Variants in LYPD1 observed in about 807,000 individuals in gnomAD.
The protein encoded by LYPD1 is ly6/PLAUR domain-containing protein 1.
LYPD1 carries 14 observed loss-of-function variants against 14.2 expected under a neutral mutation model. The ratio of observed to expected loss-of-function variants is 0.99; its 90% CI spans 0.65 to 1.54. The LOEUF is 1.54. LYPD1 is among the 40% of genes most tolerant of loss of function. The pLI is 0.00. For synonymous variants in LYPD1, 85 were observed against 70.6 expected, an observed-to-expected ratio of 1.20 and a Z score of -1.02; for missense variants, 165 against 175.7, an observed-to-expected ratio of 0.94 and a Z score of 0.34.
intron 2 of LYPD1, among the ~76,000 whole-genome samples, chr2:132,661,728 T>G (rs1237725012): frequency 6.6e-6 from 1 of 152,054 alleles, no homozygotes; most frequent in Non-Finnish European, 1.5e-5. Flanking sequence ...TCCCAGGGGC[T>G]GGGAAAAGGG....
In LYPD1 at chr2:132,646,051, G is replaced by C. The variant is rs541587484; in HGVS notation, c.420C>G (p.His140Gln). ...LFLKLALFSA[H>Q]C The stretch of plus-strand genomic sequence containing the variant: ...GGTGGCATCTCCTTCAGCTTCAGCA[G>C]TGTGCCGAGAAGAGGGCTAATTTGA... Residue 140 changes from histidine (H) to glutamine (Q), a missense_variant, in exon 3 of 3, where the codon CAC (histidine) becomes CAG (glutamine). Physicochemically the swap from His to Gln is conservative, Grantham distance 24. Coordinates refer to ENST00000397463, the MANE Select transcript of LYPD1 (RefSeq NM_144586.7). 6.4e-7 allele frequency: 1 copy of C among 1,564,626 alleles called. No homozygotes were observed. The highest frequency in any genetic ancestry group is 1.2e-5 in the South Asian group (1 of 83,508).
intron 2 of LYPD1, among the ~76,000 whole-genome samples, chr2:132,656,341 G>T (rs186184645): frequency 3.6e-4 from 55 of 152,188 alleles, no homozygotes; most frequent in African/African-American, 1.3e-3. Context: ...CTTCCCTACT[G>T]GAAAAATAAC....
At chr2:132,663,004 C>T (rs2104921183) in intron 2 of LYPD1, 1 of 152,340 alleles carries the variant, frequency 6.6e-6, no homozygotes, top group Non-Finnish European at 1.5e-5. Flanking sequence ...CCTCTGAATA[C>T]TTCCTCAGAA....
At chr2:132,654,894 G>T (rs1191972132) in intron 2 of LYPD1, among the ~76,000 whole-genome samples, 1 of 151,972 alleles carries the variant, frequency 6.6e-6, no homozygotes, top group Non-Finnish European at 1.5e-5. Flanking sequence ...GACTACAGGC[G>T]CCTGCCACCA....
At chr2:132,649,083 C>T (rs1442858758) in intron 2 of LYPD1, among the ~76,000 whole-genome samples, 1 of 152,150 alleles carries the variant, frequency 6.6e-6, no homozygotes, top group Non-Finnish European at 1.5e-5. Flanking sequence ...AAGTGACAGG[C>T]AACTGGCTGG....
chr2:132,670,804 GGGTGGGGGTGT>G (rs1683664621), upstream of LYPD1, among the ~76,000 whole-genome samples: 2 of 152,286 alleles, frequency 1.3e-5, no homozygotes. This position sits in a 1 kb window ranked among gnomAD's most constrained non-coding sequence, Gnocchi z 4.5. Flanking sequence ...TGGCCAATCT[GGGTGGGGGTGT>G]GGTGGGGACA....
intron 2 of LYPD1, among the ~76,000 whole-genome samples, chr2:132,650,771 A>C (rs1407939980): frequency 6.6e-6 from 1 of 151,992 alleles, no homozygotes; most frequent in Admixed American, 6.5e-5. Context: ...GCTTCTTACT[A>C]TGCTTCAGAT....
rs181003686 is a variant in LYPD1, at chr2:132,643,803, C to T, written c.*2242G>A. 1.2e-3 allele frequency among the ~76,000 whole-genome samples: 176 copies of T among 152,254 alleles called. No homozygotes were observed. Among genetic ancestry groups the T allele is most frequent in the African/African-American group, 4.0e-3 (165 of 41,540 alleles). The stretch of plus-strand genomic sequence containing the variant: ...CCAGAGTATTGAGATATCAGGCATG[C>T]GCCACCATGTCTGGCCCCCATTTAT... On this transcript the variant is annotated 3_prime_UTR_variant, in exon 3 of 3. Transcript: ENST00000397463.
intron 2 of LYPD1, among the ~76,000 whole-genome samples, chr2:132,647,167 C>T (rs760502280): frequency 4.6e-5 from 7 of 152,230 alleles, no homozygotes; most frequent in Non-Finnish European, 1.0e-4. Flanking sequence ...AGCTTCTTCA[C>T]TACCCCAAGC....
chr2:132,655,956 C>G (rs962597684), intron 2 of LYPD1, among the ~76,000 whole-genome samples: 4 of 152,150 alleles, frequency 2.6e-5, no homozygotes, highest in African/African-American at 7.2e-5. Context: ...TCTGTCACCC[C>G]CCTCCACTCC....
upstream of LYPD1, among the ~76,000 whole-genome samples, chr2:132,670,737 G>A (rs1291091704): frequency 1.3e-5 from 2 of 152,094 alleles, no homozygotes; most frequent in Non-Finnish European, 1.5e-5. The surrounding 1 kb of genome is among the most constrained non-coding windows in gnomAD (Gnocchi z 4.5). Flanking sequence ...AGGGTGTCCT[G>A]TGCAGCTGTG....
chr2:132,646,648 G>C (rs1160871303), intron 2 of LYPD1: 1 of 183,628 alleles, frequency 5.4e-6, no homozygotes, highest in Non-Finnish European at 1.1e-5. Context: ...ATGCCAGTGA[G>C]GCCCACAAGC....
At chr2:132,651,345 C>G (rs552605281) in intron 2 of LYPD1, among the ~76,000 whole-genome samples, 1 of 152,230 alleles carries the variant, frequency 6.6e-6, no homozygotes, top group Admixed American at 6.5e-5. Context: ...GGAGCTGCCC[C>G]GAAGCTCAAG....
intron 2 of LYPD1, among the ~76,000 whole-genome samples, chr2:132,659,382 G>A (rs1044444622): frequency 5.9e-5 from 9 of 152,166 alleles, no homozygotes; most frequent in Admixed American, 3.9e-4. Context: ...GAGAGAGTGT[G>A]CGTGAGAGAG....
intron 2 of LYPD1, among the ~76,000 whole-genome samples, chr2:132,667,807 C>T (rs1421732779): frequency 6.6e-6 from 1 of 152,172 alleles, no homozygotes; most frequent in East Asian, 1.9e-4. Flanking sequence ...CTCCCCTTCC[C>T]CCACAGGATG....
At chr2:132,659,744 G>A (rs950189127) in intron 2 of LYPD1, among the ~76,000 whole-genome samples, 1 of 152,206 alleles carries the variant, frequency 6.6e-6, no homozygotes, top group Admixed American at 6.5e-5. Flanking sequence ...ACTCTTGAGA[G>A]AATCTTGAGC....
intron 2 of LYPD1, among the ~76,000 whole-genome samples, chr2:132,652,646 C>T (rs1036169024): frequency 2.0e-5 from 3 of 152,204 alleles, no homozygotes; most frequent in Non-Finnish European, 4.4e-5. Flanking sequence ...CCTGCCAAGA[C>T]CAAGTCATTT....
intron 2 of LYPD1, among the ~76,000 whole-genome samples, chr2:132,653,319 T>C (rs557831079): frequency 3.6e-4 from 55 of 152,312 alleles, no homozygotes; most frequent in African/African-American, 1.3e-3. Context: ...GGAGTTTTGG[T>C]TGGACTTTCC....
Position 132,646,089 on chromosome 2 carries a change from T to G in LYPD1, c.382A>C (p.Thr128Pro), listed in dbSNP as rs1445708989. The G allele has an allele frequency of 6.2e-7, 1 of 1,604,088 alleles. No homozygotes were observed. The highest frequency in any genetic ancestry group is 8.5e-7 in the Non-Finnish European group (1 of 1,174,400). ...ASALRPGLRT[T>P]ILFLKLALFS... ...AGGGCTAATTTGAGGAACAGGATGG[T>G]GGTGCGGAGCCCTGGCCTGAGGGCC... The change falls in exon 3 of 3, where the codon ACC (threonine) becomes CCC (proline). Residue 128 changes from threonine (T) to proline (P), a missense_variant. Transcript: ENST00000397463.
Sources: gnomAD v4.1 joint callset for allele counts (sites outside exome capture counted in the v4.1 genomes callset) on GRCh38, gnomAD v4.1.1 for gene constraint, Gnocchi (gnomAD v3.1) non-coding constraint, MANE v1.5 for transcripts, NCBI Gene and HGNC (gene_info 2026-07-23, HGNC 2026-07-21) for gene names.